The following TMEM267 variants were observed in gnomAD, a reference collection of about 807,000 sequenced individuals.
TMEM267 encodes the protein transmembrane protein C5orf28.
Under a neutral mutation model 19.3 loss-of-function variants are expected in TMEM267, and 20 were observed. The ratio of observed to expected loss-of-function variants is 1.04; its 90% CI spans 0.73 to 1.51. TMEM267 has a LOEUF of 1.51. TMEM267 is among the 40% of genes most tolerant of loss of function. The pLI is 0.00. For synonymous variants in TMEM267, 88 were observed against 90.3 expected (o/e 0.97, Z 0.15); for missense variants, 242 against 261.9 (o/e 0.92, Z 0.52).
chr5:43,448,633 G>A (rs1274254190), intron 2 of TMEM267, among the ~76,000 whole-genome samples: 1 of 151,996 alleles, frequency 6.6e-6, no homozygotes, highest in African/African-American at 2.4e-5. Flanking sequence ...AAAATTAGCT[G>A]GGCATGGTGG....
At chr5:43,466,098 A>G (rs1485390975) in intron 1 of TMEM267, among the ~76,000 whole-genome samples, 1 of 152,082 alleles carries the variant, frequency 6.6e-6, no homozygotes, top group African/African-American at 2.4e-5. Context: ...ATTGAATGGG[A>G]TAACAGAGAA....
intron 1 of TMEM267, among the ~76,000 whole-genome samples, chr5:43,475,434 T>C (rs906412068): frequency 9.9e-5 from 15 of 151,932 alleles, no homozygotes; most frequent in Admixed American, 7.9e-4. Flanking sequence ...AGATGACAGG[T>C]TGATGGGTGC....
chr5:43,464,325 A>C (rs2112118824), intron 1 of TMEM267, among the ~76,000 whole-genome samples: 1 of 152,218 alleles, frequency 6.6e-6, no homozygotes, highest in East Asian at 1.9e-4. Flanking sequence ...CAAACGGAAG[A>C]ACATTCCATG....
At chr5:43,461,421 G>T (rs767078956) in intron 1 of TMEM267, among the ~76,000 whole-genome samples, 2 of 152,090 alleles carry the variant, frequency 1.3e-5, no homozygotes, top group Non-Finnish European at 2.9e-5. Flanking sequence ...AAACTAAAGG[G>T]GACTTTGCCT....
intron 1 of TMEM267, among the ~76,000 whole-genome samples, chr5:43,461,839 A>C (rs558150606): frequency 1.3e-5 from 2 of 152,228 alleles, no homozygotes; most frequent in African/African-American, 2.4e-5. Context: ...GTACCTCTAG[A>C]CCCACCCAGG....
chr5:43,465,599 C>T (rs1743607382), intron 1 of TMEM267, among the ~76,000 whole-genome samples: 1 of 152,150 alleles, frequency 6.6e-6, no homozygotes, highest in Admixed American at 6.5e-5. Context: ...ACATGTGGCA[C>T]ATATACACCA....
At chr5:43,460,949 G>A (rs1743222119) in intron 1 of TMEM267, among the ~76,000 whole-genome samples, 1 of 152,224 alleles carries the variant, frequency 6.6e-6, no homozygotes. Flanking sequence ...CCCAGAGACA[G>A]TGGACTGCGT....
At chr5:43,475,765 A>G (rs1744380344) in intron 1 of TMEM267, among the ~76,000 whole-genome samples, 2 of 152,202 alleles carry the variant, frequency 1.3e-5, no homozygotes, top group Non-Finnish European at 1.5e-5. Context: ...ATGAACTAAA[A>G]CAATTTTTCA....
intron 1 of TMEM267, among the ~76,000 whole-genome samples, chr5:43,472,763 TAG>T (rs4050477): frequency 0.58 from 81,486 of 141,698 alleles, 24,559 homozygotes; most frequent in African/African-American, 0.77. Context: ...CTCGTGGACA[TAG>T]AGAGTAGAAG....
At chr5:43,481,529 C>T (rs1277931963) in intron 1 of TMEM267, among the ~76,000 whole-genome samples, 1 of 152,090 alleles carries the variant, frequency 6.6e-6, no homozygotes, top group Non-Finnish European at 1.5e-5. Context: ...AAATTTAAAG[C>T]GACCTCAACA....
chr5:43,453,843 G>A lies in TMEM267; in HGVS notation c.127C>T (p.Gln43Ter), dbSNP rs144425963. 6.2e-7 allele frequency: 1 copy of A among 1,613,908 alleles called. No homozygotes were observed. The highest frequency in any genetic ancestry group is 8.5e-7 in the Non-Finnish European group (1 of 1,179,976). ...ADRLLQFSTI[Q>*]QNDWLRALSD... ...AGAGCACGAAGCCAGTCATTTTGCT[G>A]AATTGTGGAAAACTGAAGAAGTCTG... The change falls in exon 2 of 3, where the codon CAG (glutamine) becomes TAG (stop). Residue 43 changes from glutamine (Q) to a stop codon, truncating the protein, a stop_gained. Coordinates refer to ENST00000397080, the MANE Select transcript of TMEM267 (RefSeq NM_022483.5). LOFTEE classifies it high-confidence loss of function.
Position 43,453,784 on chromosome 5 carries a change from C to T in TMEM267, c.186G>A (p.Met62Ile). 6.2e-7 allele frequency: 1 copy of T among 1,614,162 alleles called. No homozygotes were observed. Among genetic ancestry groups the T allele is most frequent in the Non-Finnish European group, 8.5e-7 (1 of 1,180,018 alleles). ...SDNAVHCVIG[M>I]WSWAVVTGIK... ...TTCCAGTGACTACCGCCCATGACCACATGCCAATTACACAATGTACTGCAT... is the reference window on the plus strand; with the variant it reads ...TTCCAGTGACTACCGCCCATGACCATATGCCAATTACACAATGTACTGCAT... Residue 62 changes from methionine (M) to isoleucine (I), a missense_variant, in exon 2 of 3, where the codon ATG (methionine) becomes ATA (isoleucine). Transcript: ENST00000397080.
rs372983519 is a variant in TMEM267 at position 43,456,107 on chromosome 5, A to G, written c.-74-2064T>C. Among the ~76,000 whole-genome samples the G allele has an allele frequency of 2.0e-5, 3 of 152,122 alleles. No individual in the cohort carries two copies. In the South Asian group the frequency reaches 6.2e-4, roughly 32 times the overall value. ...ATCCTTGGCTTCCCAAAGTGCTGAGATTACAGGCATGAGCCATCATGCCCA... is the reference window on the plus strand; with the variant it reads ...ATCCTTGGCTTCCCAAAGTGCTGAGGTTACAGGCATGAGCCATCATGCCCA... On this transcript the variant is annotated intron_variant, in intron 1 of 2. Coordinates refer to ENST00000397080, the MANE Select transcript of TMEM267 (RefSeq NM_022483.5).
intron 1 of TMEM267, among the ~76,000 whole-genome samples, chr5:43,482,441 T>C (rs1004056223): frequency 9.8e-5 from 15 of 152,324 alleles, no homozygotes; most frequent in Admixed American, 8.5e-4. Context: ...TTCCACTTCC[T>C]ATTCCTCCCC....
intron 1 of TMEM267, among the ~76,000 whole-genome samples, chr5:43,454,901 A>G (rs1742855718): frequency 6.6e-6 from 1 of 152,242 alleles, no homozygotes; most frequent in East Asian, 1.9e-4. Flanking sequence ...TTGTCTACCT[A>G]AAGTGTGACA....
intron 1 of TMEM267, among the ~76,000 whole-genome samples, chr5:43,466,811 C>A (rs992384576): frequency 1.3e-5 from 2 of 151,764 alleles, no homozygotes; most frequent in Admixed American, 6.6e-5. Flanking sequence ...TAAATCACAT[C>A]CCCAGAGAAA....
At chr5:43,469,665 G>A (rs547589826) in intron 1 of TMEM267, among the ~76,000 whole-genome samples, 1 of 152,252 alleles carries the variant, frequency 6.6e-6, no homozygotes, top group Non-Finnish European at 1.5e-5. Flanking sequence ...TACTGTGAAA[G>A]GAAAATAAAT....
rs35189144 is a variant in TMEM267 at position 43,452,585 on chromosome 5, T to TAA, written c.312+1071_312+1072dup. Reference sequence around the variant, plus strand: ...AACTGTGCTTGTGGCCCTAAATCCATAAAAAAAAAAAAAAAAACTGAAGAA... The same window carrying TAA: ...AACTGTGCTTGTGGCCCTAAATCCATAAAAAAAAAAAAAAAAAAACTGAAGAA... On this transcript the variant is annotated intron_variant, in intron 2 of 2. Coordinates refer to ENST00000397080, the MANE Select transcript of TMEM267 (RefSeq NM_022483.5). Among the ~76,000 whole-genome samples the TAA allele has an allele frequency of 8.6e-3, 1,060 of 123,876 alleles. 8 individuals are homozygous for TAA. The highest frequency in any genetic ancestry group is 9.3e-3 in the African/African-American group (334 of 36,088). 81.3% of individuals were successfully genotyped at this position (123,876 alleles called of 152,430 possible). A position where few individuals can be genotyped will look rare whatever the true frequency, so the allele number is the denominator to read the frequency against.
rs538015811 is a variant in TMEM267 at position 43,453,557 on chromosome 5, T to A, written c.312+101A>T. ...AAGGTTACATGAATGTGCTTTCCTA[T>A]TTTAAGACAAATCCTCTCTAGTTCT... On this transcript the variant is annotated intron_variant, in intron 2 of 2. Coordinates refer to ENST00000397080, the MANE Select transcript of TMEM267 (RefSeq NM_022483.5). 205 of 1,103,444 alleles carry A rather than the reference T, an allele frequency of 1.9e-4. 1 individual carries two copies. Among genetic ancestry groups the A allele is most frequent in the Middle Eastern group, 1.5e-3 (6 of 4,074 alleles). 68.4% of individuals were successfully genotyped at this position (1,103,444 alleles called of 1,614,324 possible). A position where few individuals can be genotyped will look rare whatever the true frequency, so the allele number is the denominator to read the frequency against.
Sources: gnomAD v4.1 joint callset for allele counts (sites outside exome capture counted in the v4.1 genomes callset) on GRCh38, gnomAD v4.1.1 for gene constraint, MANE v1.5 for transcripts, NCBI Gene and HGNC (gene_info 2026-07-23, HGNC 2026-07-21) for gene names.